The following THSD7B variants were observed in gnomAD, a reference collection of about 807,000 sequenced individuals.
THSD7B encodes thrombospondin type-1 domain-containing protein 7B.
Under a neutral mutation model 213.6 loss-of-function variants are expected in THSD7B, and 138 were observed. The ratio of observed to expected loss-of-function variants is 0.65; its 90% confidence interval spans 0.56 to 0.74. The LOEUF (loss-of-function observed/expected upper bound fraction) is 0.74. Among genes scored for constraint, THSD7B ranks in the 30% least tolerant of loss-of-function variants. THSD7B has a pLI of 0.00. For missense variants in THSD7B, 1,931 were observed against 1,991.5 expected (o/e 0.97, Z 0.58); for synonymous variants, 742 against 687.0 (o/e 1.08, Z -1.25).
chr2:137,364,860 T>G (rs1256482913), intron 12 of THSD7B, among the ~76,000 whole-genome samples: 5 of 152,186 alleles, frequency 3.3e-5, no homozygotes, highest in Admixed American at 2.6e-4. Context: ...AAGCTGCCAA[T>G]GACTTTCTTC....
At chr2:137,271,207 C>T (rs79392581) in intron 10 of THSD7B, among the ~76,000 whole-genome samples, 7,158 of 150,702 alleles carry the variant, frequency 0.047, 386 homozygotes, top group African/African-American at 0.13. Flanking sequence ...ACCCTCACTG[C>T]GCTCCTCCCT....
At chr2:137,431,928 G>A (rs941448819) in intron 14 of THSD7B, among the ~76,000 whole-genome samples, 4 of 152,110 alleles carry the variant, frequency 2.6e-5, no homozygotes, top group African/African-American at 9.7e-5. Context: ...TTTTATTTGA[G>A]ATGGTTATGG....
intron 1 of THSD7B, among the ~76,000 whole-genome samples, chr2:136,834,213 G>C (rs150871326): frequency 1.4e-4 from 21 of 152,186 alleles, no homozygotes; most frequent in Admixed American, 1.1e-3. Flanking sequence ...CCAGCCCCTG[G>C]TCAGCATCTA....
intron 3 of THSD7B, among the ~76,000 whole-genome samples, chr2:137,072,162 AT>A (rs1416772539): frequency 5.3e-5 from 8 of 152,280 alleles, no homozygotes; most frequent in African/African-American, 1.9e-4. Flanking sequence ...TGGTAGCTTG[AT>A]GAGGATGGCA....
chr2:137,628,709 A>G (rs10201862), intron 20 of THSD7B, among the ~76,000 whole-genome samples: 57,599 of 152,000 alleles, frequency 0.38, 12,929 homozygotes, highest in African/African-American at 0.63. Context: ...AAAGGAGAGC[A>G]TGGAAAAGGC....
At chr2:137,129,716 C>T (rs998324455) in intron 5 of THSD7B, among the ~76,000 whole-genome samples, 8 of 152,160 alleles carry the variant, frequency 5.3e-5, no homozygotes, top group South Asian at 4.1e-4. Context: ...GCTGGGATTA[C>T]GGGCATGAGC....
chr2:137,228,662 A>G (rs1340138411), intron 7 of THSD7B, among the ~76,000 whole-genome samples: 1 of 152,152 alleles, frequency 6.6e-6, no homozygotes, highest in African/African-American at 2.4e-5. Flanking sequence ...CATCCTTGCC[A>G]CAAGTTCTCA....
chr2:137,456,699 T>C (rs1288871574), intron 15 of THSD7B, among the ~76,000 whole-genome samples: 1 of 152,076 alleles, frequency 6.6e-6, no homozygotes, highest in Non-Finnish European at 1.5e-5. Context: ...AGAGGGGAGG[T>C]TGGTGGTTTT....
At chr2:137,453,424 G>C (rs1269369252) in intron 15 of THSD7B, among the ~76,000 whole-genome samples, 1 of 145,022 alleles carries the variant, frequency 6.9e-6, no homozygotes, top group African/African-American at 2.6e-5. Context: ...CTGCCTCCTG[G>C]GTTCATGCCA....
intron 15 of THSD7B, among the ~76,000 whole-genome samples, chr2:137,515,345 G>T (rs1680047861): frequency 6.6e-6 from 1 of 152,092 alleles, no homozygotes; most frequent in African/African-American, 2.4e-5. Flanking sequence ...ACCTTGCACT[G>T]CCTGAGGCAA....
intron 5 of THSD7B, among the ~76,000 whole-genome samples, chr2:137,136,188 T>C (rs1679454264): frequency 2.0e-5 from 3 of 151,998 alleles, no homozygotes; most frequent in African/African-American, 4.8e-5. Context: ...TTAGGAGAAA[T>C]ATTTCATGTA....
chr2:137,010,600 G>A (rs992581604), intron 2 of THSD7B, among the ~76,000 whole-genome samples: 2 of 152,190 alleles, frequency 1.3e-5, no homozygotes, highest in African/African-American at 2.4e-5. Flanking sequence ...TGTTACCACA[G>A]TCTCTGCTGT....
At chr2:137,152,635 T>G (rs1193291590) in intron 5 of THSD7B, among the ~76,000 whole-genome samples, 1 of 152,242 alleles carries the variant, frequency 6.6e-6, no homozygotes, top group Non-Finnish European at 1.5e-5. Context: ...TGTCAATGCC[T>G]ATTAGCTATT....
At chr2:137,657,797 C>A (rs1238888840) in intron 24 of THSD7B, among the ~76,000 whole-genome samples, 1 of 152,210 alleles carries the variant, frequency 6.6e-6, no homozygotes, top group African/African-American at 2.4e-5. Flanking sequence ...TCACTGCAAC[C>A]TCTGCCTCCC....
intron 12 of THSD7B, among the ~76,000 whole-genome samples, chr2:137,400,609 G>T (rs1686332900): frequency 6.6e-6 from 1 of 152,154 alleles, no homozygotes; most frequent in Non-Finnish European, 1.5e-5. Context: ...AATGAGGGAT[G>T]GCAGTGGTCA....
chr2:136,829,390 C>G (rs1428587940), intron 1 of THSD7B, among the ~76,000 whole-genome samples: 1 of 151,962 alleles, frequency 6.6e-6, no homozygotes, highest in Non-Finnish European at 1.5e-5. Context: ...GGAGTAGAAC[C>G]ATTGATTTGC....
intron 12 of THSD7B, among the ~76,000 whole-genome samples, chr2:137,373,391 T>C (rs1167760588): frequency 1.3e-5 from 2 of 152,204 alleles, no homozygotes; most frequent in East Asian, 3.9e-4. Flanking sequence ...ATTGCTCTTC[T>C]AACTGGTGTG....
intron 12 of THSD7B, among the ~76,000 whole-genome samples, chr2:137,289,735 G>C (rs752792919): frequency 1.3e-5 from 2 of 151,948 alleles, no homozygotes; most frequent in Non-Finnish European, 2.9e-5. Context: ...GAAATAAGTA[G>C]CTTTAAAACT....
At chr2:137,551,129 CT>C (rs1420192742) in intron 15 of THSD7B, among the ~76,000 whole-genome samples, 2 of 151,742 alleles carry the variant, frequency 1.3e-5, no homozygotes, top group African/African-American at 4.8e-5. Context: ...AAAAATTATT[CT>C]TCAAAAAATT....
Sources: allele counts gnomAD v4.1 joint callset (sites outside exome capture counted in the v4.1 genomes callset), GRCh38; gene constraint gnomAD v4.1.1; transcripts MANE v1.5; gene names NCBI Gene and HGNC (gene_info 2026-07-23, HGNC 2026-07-21).